Variants in BMPR1B observed in about 807,000 individuals in gnomAD.
The protein encoded by BMPR1B is bone morphogenetic protein receptor type-1B.
BMPR1B carries 12 observed loss-of-function variants against 59.1 expected under a neutral mutation model. The observed-to-expected ratio is 0.20, with a 90% CI of 0.13 to 0.33. BMPR1B has a LOEUF of 0.33. Among genes scored for constraint, BMPR1B ranks in the 10% least tolerant of loss-of-function variants. The pLI, the probability that BMPR1B is intolerant of heterozygous loss-of-function variation, is 1.00. For missense variants in BMPR1B, 550 were observed against 610.9 expected (o/e 0.90, Z 1.05); for synonymous variants, 237 against 207.3 (o/e 1.14, Z -1.23).
intron 3 of BMPR1B, among the ~76,000 whole-genome samples, chr4:95,097,015 T>A: frequency 6.9e-6 from 1 of 145,064 alleles, no homozygotes; most frequent in East Asian, 2.0e-4. Context: ...AAATTGTATA[T>A]TATATATAGT....
intron 2 of BMPR1B, among the ~76,000 whole-genome samples, chr4:94,922,637 G>T (rs568929696): frequency 6.6e-6 from 1 of 151,854 alleles, no homozygotes; most frequent in African/African-American, 2.4e-5. Flanking sequence ...TCTCAATTAT[G>T]ATATATATTA....
intron 1 of BMPR1B, among the ~76,000 whole-genome samples, chr4:94,861,998 T>G (rs1395988716): frequency 6.6e-6 from 1 of 152,094 alleles, no homozygotes; most frequent in East Asian, 1.9e-4. Context: ...AAACTATAGA[T>G]TTCAGTAGAA....
intron 6 of BMPR1B, 99 bp from the exon 7 acceptor site, chr4:95,123,711 G>C (rs929364750): frequency 9.9e-6 from 9 of 912,124 alleles, no homozygotes; most frequent in East Asian, 2.5e-5. Context: ...TTCACATTTT[G>C]TGCGTGATAC....
intron 10 of BMPR1B, among the ~76,000 whole-genome samples, chr4:95,146,224 T>C (rs771648144): frequency 6.6e-6 from 1 of 152,128 alleles, no homozygotes; most frequent in Admixed American, 6.5e-5. Flanking sequence ...AGGAGAGAGA[T>C]GGCTTATTGC....
chr4:95,050,138 AT>A (rs549546945), intron 3 of BMPR1B, among the ~76,000 whole-genome samples: 13 of 152,204 alleles, frequency 8.5e-5, no homozygotes, highest in African/African-American at 2.9e-4. Flanking sequence ...AGCAGATTCT[AT>A]TGCTTGATTT....
chr4:94,973,251 T>C (rs1578867682), intron 2 of BMPR1B, among the ~76,000 whole-genome samples: 1 of 152,166 alleles, frequency 6.6e-6, no homozygotes. Context: ...GTGGCTGCCC[T>C]CTGCCAGCGA....
intron 3 of BMPR1B, among the ~76,000 whole-genome samples, chr4:95,048,875 A>G (rs186854720): frequency 1.3e-5 from 2 of 152,318 alleles, no homozygotes; most frequent in Non-Finnish European, 2.9e-5. Context: ...GGGGCCTAAT[A>G]TGCCATTTAT....
At chr4:94,770,459 A>C (rs1379869674) in intron 1 of BMPR1B, among the ~76,000 whole-genome samples, 1 of 152,054 alleles carries the variant, frequency 6.6e-6, no homozygotes, top group Non-Finnish European at 1.5e-5. Flanking sequence ...TGAGAAGTAT[A>C]GTAACCCTAT....
intron 3 of BMPR1B, among the ~76,000 whole-genome samples, chr4:95,072,995 T>C (rs570853268): frequency 1.3e-5 from 2 of 152,312 alleles, no homozygotes; most frequent in East Asian, 3.9e-4. Context: ...TTTGGTTGCA[T>C]GATAGTGACA....
At chr4:95,135,707 G>C (rs1733723839) in intron 10 of BMPR1B, among the ~76,000 whole-genome samples, 1 of 152,166 alleles carries the variant, frequency 6.6e-6, no homozygotes, top group Admixed American at 6.5e-5. Context: ...TTTGCACATT[G>C]ATTTTGTATC....
intron 10 of BMPR1B, among the ~76,000 whole-genome samples, chr4:95,139,724 C>G (rs1172700888): frequency 6.6e-6 from 1 of 151,620 alleles, no homozygotes; most frequent in East Asian, 1.9e-4. Flanking sequence ...GGGCGTGGGA[C>G]CCTCGGAGCC....
At chr4:95,016,202 G>A (rs551464053) in intron 3 of BMPR1B, among the ~76,000 whole-genome samples, 10 of 152,204 alleles carry the variant, frequency 6.6e-5, no homozygotes, top group South Asian at 6.2e-4. Flanking sequence ...CCTTGAGAGC[G>A]TCTAAATATT....
intron 3 of BMPR1B, among the ~76,000 whole-genome samples, chr4:95,080,706 CTA>C (rs1464015622): frequency 6.6e-6 from 1 of 152,120 alleles, no homozygotes; most frequent in Non-Finnish European, 1.5e-5. Flanking sequence ...AGGAACCAAA[CTA>C]TATGTGTATT....
At chr4:94,867,062 A>T (rs1726275411) in intron 1 of BMPR1B, among the ~76,000 whole-genome samples, 2 of 150,558 alleles carry the variant, frequency 1.3e-5, no homozygotes, top group African/African-American at 5.0e-5. Context: ...TTTTTCACTT[A>T]TCTTCTCTTA....
At chr4:94,891,897 C>T (rs1300438370) in intron 2 of BMPR1B, among the ~76,000 whole-genome samples, 1 of 152,052 alleles carries the variant, frequency 6.6e-6, no homozygotes, top group Admixed American at 6.6e-5. Flanking sequence ...GGCACCATGC[C>T]AAGCCCTGTG....
chr4:94,933,044 A>G (rs1383994861), intron 2 of BMPR1B, among the ~76,000 whole-genome samples: 1 of 152,120 alleles, frequency 6.6e-6, no homozygotes, highest in East Asian at 1.9e-4. Context: ...CTCTGTCAGC[A>G]TCTGGTGTAT....
At chr4:94,928,178 T>A (rs1728961592) in intron 2 of BMPR1B, among the ~76,000 whole-genome samples, 1 of 151,528 alleles carries the variant, frequency 6.6e-6, no homozygotes, top group African/African-American at 2.4e-5. Context: ...TTTTTTTTTT[T>A]AGAAAGAGAA....
chr4:94,836,164 G>A (rs1560507358), intron 1 of BMPR1B, among the ~76,000 whole-genome samples: 2 of 149,206 alleles, frequency 1.3e-5, no homozygotes, highest in Non-Finnish European at 3.0e-5. Context: ...TGTCATTGTT[G>A]GACATTTGGG....
At chr4:94,791,699 TC>T (rs1270678485) in intron 1 of BMPR1B, among the ~76,000 whole-genome samples, 3 of 152,180 alleles carry the variant, frequency 2.0e-5, no homozygotes, top group African/African-American at 7.2e-5. Context: ...AATATGTTTA[TC>T]CCAAAGTAAA....
Sources: gnomAD v4.1 joint callset for allele counts (sites outside exome capture counted in the v4.1 genomes callset) on GRCh38, gnomAD v4.1.1 for gene constraint, MANE v1.5 for transcripts, NCBI Gene and HGNC (gene_info 2026-07-23, HGNC 2026-07-21) for gene names.